Variants in SMYD3 observed in about 807,000 individuals in gnomAD.
SMYD3 encodes histone-lysine N-methyltransferase SMYD3.
A neutral mutation model predicts 57.7 loss-of-function variants in SMYD3; 36 were observed. The observed-to-expected ratio is 0.62, with a 90% CI of 0.48 to 0.82. The LOEUF (loss-of-function observed/expected upper bound fraction) is 0.82, where lower values mean the gene tolerates loss of function less well. SMYD3 is among the 40% of genes least tolerant of loss of function. The pLI, the probability that SMYD3 is intolerant of heterozygous loss-of-function variation, is 0.00. For synonymous variants in SMYD3, 211 were observed against 195.0 expected (o/e 1.08, Z -0.68); for missense variants, 515 against 538.8 (o/e 0.96, Z 0.44).
intron 1 of SMYD3, among the ~76,000 whole-genome samples, chr1:246,432,418 T>A (rs1050763434): frequency 1.3e-5 from 2 of 152,206 alleles, no homozygotes; most frequent in South Asian, 4.1e-4. Context: ...AGAGGTGGTG[T>A]TTGGTGCTTT....
chr1:246,424,264 A>T (rs946005), intron 1 of SMYD3, among the ~76,000 whole-genome samples: 1 of 152,046 alleles, frequency 6.6e-6, no homozygotes, highest in African/African-American at 2.4e-5. Flanking sequence ...ATTATTTTAC[A>T]GTAGATTATG....
chr1:246,054,780 C>T (rs1271616665), intron 5 of SMYD3, among the ~76,000 whole-genome samples: 1 of 145,802 alleles, frequency 6.9e-6, no homozygotes, highest in East Asian at 2.1e-4. Flanking sequence ...CATTTTTATG[C>T]ACATAAAAAG....
At chr1:245,944,915 G>GGGGGAACTGGCTAGCCATATGC (rs1423139849) in intron 5 of SMYD3, among the ~76,000 whole-genome samples, 49 of 152,256 alleles carry the variant, frequency 3.2e-4, no homozygotes, top group African/African-American at 1.1e-3. Flanking sequence ...AAATGGTACT[G>GGGGGAACTGGCTAGCCATATGC]GGGGAACTGG....
intron 5 of SMYD3, among the ~76,000 whole-genome samples, chr1:246,242,231 G>A (rs1195995777): frequency 6.6e-6 from 1 of 152,142 alleles, no homozygotes; most frequent in Non-Finnish European, 1.5e-5. Context: ...GGCACTTAAT[G>A]CTCTAAATTT....
At chr1:246,235,292 C>G (rs1457861825) in intron 5 of SMYD3, among the ~76,000 whole-genome samples, 1 of 152,080 alleles carries the variant, frequency 6.6e-6, no homozygotes, top group African/African-American at 2.4e-5. Context: ...TTCCAGTGCC[C>G]CAAAATTGAA....
chr1:245,894,725 G>C (rs1013613632), intron 8 of SMYD3, among the ~76,000 whole-genome samples: 4 of 152,270 alleles, frequency 2.6e-5, no homozygotes, highest in Non-Finnish European at 5.9e-5. Context: ...ACCATGTGTT[G>C]GGCTGGGGAT....
chr1:246,466,870 A>AT (rs1260372109), intron 1 of SMYD3, among the ~76,000 whole-genome samples: 10 of 151,274 alleles, frequency 6.6e-5, no homozygotes, highest in Non-Finnish European at 1.3e-4. Context: ...AATTTTTAAA[A>AT]TTTTTTTTTT....
At chr1:246,254,562 G>A (rs1337630842) in intron 5 of SMYD3, among the ~76,000 whole-genome samples, 6 of 152,214 alleles carry the variant, frequency 3.9e-5, no homozygotes, top group Admixed American at 1.3e-4. Context: ...TTTGAAGTCA[G>A]GTAATGTGAT....
At chr1:245,896,216 G>GT (rs2053770341) in intron 8 of SMYD3, among the ~76,000 whole-genome samples, 2 of 152,182 alleles carry the variant, frequency 1.3e-5, no homozygotes, top group East Asian at 1.9e-4. Flanking sequence ...TTATCTTCTC[G>GT]TTTTTTCTTT....
At chr1:246,239,809 T>C (rs560180323) in intron 5 of SMYD3, among the ~76,000 whole-genome samples, 3 of 152,286 alleles carry the variant, frequency 2.0e-5, no homozygotes, top group Admixed American at 1.3e-4. Flanking sequence ...GGTATCTCAT[T>C]GTGGTTTTGA....
chr1:246,348,387 G>C (rs1209472869), intron 2 of SMYD3, among the ~76,000 whole-genome samples: 1 of 151,928 alleles, frequency 6.6e-6, no homozygotes, highest in African/African-American at 2.4e-5. Flanking sequence ...CTGCACTCCA[G>C]CCTGGGTGCC....
intron 5 of SMYD3, among the ~76,000 whole-genome samples, chr1:246,043,836 T>G (rs1048024828): frequency 2.6e-5 from 4 of 151,954 alleles, no homozygotes; most frequent in African/African-American, 9.7e-5. Flanking sequence ...AACACTGGAG[T>G]TGGAGTTAGA....
intron 1 of SMYD3, among the ~76,000 whole-genome samples, chr1:246,470,555 CTATATATACACACTA>C (rs1460919641): frequency 1.2e-4 from 18 of 147,218 alleles, no homozygotes; most frequent in Non-Finnish European, 1.9e-4. Context: ...CATACATACA[CTATATATACACACTA>C]TATATATACA....
chr1:246,143,751 C>T (rs1023185033), intron 5 of SMYD3, among the ~76,000 whole-genome samples: 3 of 152,156 alleles, frequency 2.0e-5, no homozygotes, highest in Non-Finnish European at 2.9e-5. Context: ...CTAGATTCTG[C>T]TTATTCATGC....
chr1:246,130,211 A>G (rs2061567335), intron 5 of SMYD3, among the ~76,000 whole-genome samples: 1 of 152,248 alleles, frequency 6.6e-6, no homozygotes, highest in Non-Finnish European at 1.5e-5. Context: ...GCTACAATTT[A>G]GGATGAAAGT....
In SMYD3 at chr1:246,233,369, T is replaced by C. The variant is rs529774583; in HGVS notation, c.531+93832A>G. ...TCCCCAATTCACACTGTGATGAACA[T>C]ATACCACACAGAGGAGAAGCACTCC... On this transcript the variant is annotated intron_variant, in intron 5 of 11. Transcript: ENST00000490107. Among the ~76,000 whole-genome samples the C allele has an allele frequency of 2.7e-5, 3 of 112,678 alleles. 1 individual carries two copies. The East Asian group carries it at 1.4e-3, about 53-fold the overall frequency. The allele number at this position is 112,678 out of a possible 152,430, so 73.9% of individuals were successfully genotyped here.
At chr1:246,246,982 G>T (rs1316825448) in intron 5 of SMYD3, among the ~76,000 whole-genome samples, 1 of 152,094 alleles carries the variant, frequency 6.6e-6, no homozygotes, top group Non-Finnish European at 1.5e-5. Context: ...TTAGTTATAT[G>T]TTAAAATACG....
chr1:246,314,380 T>C (rs1451930542), intron 5 of SMYD3, among the ~76,000 whole-genome samples: 1 of 152,218 alleles, frequency 6.6e-6, no homozygotes, highest in Non-Finnish European at 1.5e-5. Context: ...AAGAAAGCCA[T>C]GTTAAAGCTC....
intron 5 of SMYD3, among the ~76,000 whole-genome samples, chr1:245,971,308 T>G (rs929398583): frequency 3.3e-5 from 5 of 152,050 alleles, no homozygotes; most frequent in African/African-American, 1.2e-4. Context: ...GAGGTGGGGC[T>G]AGGGGAGAGA....
Sources: gnomAD v4.1 joint callset for allele counts (sites outside exome capture counted in the v4.1 genomes callset) on GRCh38, gnomAD v4.1.1 for gene constraint, MANE v1.5 for transcripts, NCBI Gene and HGNC (gene_info 2026-07-23, HGNC 2026-07-21) for gene names.